The following PTPRG variants were observed in gnomAD, a reference collection of about 807,000 sequenced individuals.
PTPRG encodes the protein protein tyrosine phosphatase receptor type G.
Under a neutral mutation model 165.3 loss-of-function variants are expected in PTPRG, and 102 were observed. The ratio of observed to expected loss-of-function variants is 0.62; its 90% CI spans 0.53 to 0.73. The LOEUF is 0.73. Among genes scored for constraint, PTPRG ranks in the 30% least tolerant of loss-of-function variants. The pLI is 0.00. For missense variants in PTPRG, 1,866 were observed against 1,861.4 expected, an observed-to-expected ratio of 1.00 and a Z score of -0.05; for synonymous variants, 675 against 669.5, an observed-to-expected ratio of 1.01 and a Z score of -0.13.
chr3:61,712,980 GTA>G (rs1002178845), intron 1 of PTPRG, among the ~76,000 whole-genome samples: 1 of 152,100 alleles, frequency 6.6e-6, no homozygotes, highest in African/African-American at 2.4e-5. Context: ...TGTAGGCATG[GTA>G]TTAGTAACAT....
rs916641793 is a variant in PTPRG at position 61,896,973 on chromosome 3, T to C, written c.191-92652T>C. Among the ~76,000 whole-genome samples, 4 of 151,998 alleles carry C rather than the reference T, an allele frequency of 2.6e-5. No individual in the cohort carries two copies. In the East Asian group the frequency reaches 7.7e-4, roughly 29 times the overall value. On this transcript the variant is annotated intron_variant, in intron 2 of 29. Coordinates refer to ENST00000474889, the MANE Select transcript of PTPRG (RefSeq NM_002841.4). Reference sequence around the variant, plus strand: ...TTTTTTTTTAATATATTCTGAATACTAGTCCTTTGTTGAATTTGTGGTGTG... The same window carrying C: ...TTTTTTTTTAATATATTCTGAATACCAGTCCTTTGTTGAATTTGTGGTGTG...
intron 1 of PTPRG, among the ~76,000 whole-genome samples, chr3:61,570,804 T>C (rs1312420973): frequency 1.3e-5 from 2 of 152,200 alleles, no homozygotes; most frequent in Admixed American, 6.5e-5. Context: ...GCGGTGGTTA[T>C]TTATAAATGA....
chr3:61,717,612 C>T (rs550501204), intron 1 of PTPRG, among the ~76,000 whole-genome samples: 1 of 151,954 alleles, frequency 6.6e-6, no homozygotes, highest in East Asian at 1.9e-4. Flanking sequence ...ATTGTGAAGC[C>T]CCGTCTCTAC....
intron 1 of PTPRG, among the ~76,000 whole-genome samples, chr3:61,666,555 G>C (rs1215480939): frequency 6.6e-6 from 1 of 152,202 alleles, no homozygotes; most frequent in Non-Finnish European, 1.5e-5. Flanking sequence ...CCTTTGTAGG[G>C]TTGTGATGAA....
rs1487458973 is a variant in PTPRG, at chr3:61,717,813, CA to C, written c.86-31061del. ...TAAAAATAAAAATAAAAATAAATAC[CA>C]AAAGATTTGTGTTTTATTGTAGGTA... On this transcript the variant is annotated intron_variant, in intron 1 of 29. Transcript: ENST00000474889. Among the ~76,000 whole-genome samples the C allele has an allele frequency of 5.1e-3, 779 of 151,802 alleles. 7 individuals carry two copies. Among genetic ancestry groups the C allele is most frequent in the African/African-American group, 0.018 (741 of 41,344 alleles).
chr3:62,183,527 GCACTCCAGCCTAGGCGACA>G (rs1439362487), intron 8 of PTPRG, among the ~76,000 whole-genome samples: 3 of 149,668 alleles, frequency 2.0e-5, no homozygotes, highest in Non-Finnish European at 4.4e-5. Context: ...TTACACCACT[GCACTCCAGCCTAGGCGACA>G]GAGTGAGACT....
chr3:61,639,150 T>A (rs1701997366), intron 1 of PTPRG, among the ~76,000 whole-genome samples: 1 of 152,224 alleles, frequency 6.6e-6, no homozygotes, highest in African/African-American at 2.4e-5. Flanking sequence ...CCCAGTATCA[T>A]TAATTGAATA....
At chr3:61,823,686 A>G (rs1351801846) in intron 2 of PTPRG, among the ~76,000 whole-genome samples, 1 of 152,226 alleles carries the variant, frequency 6.6e-6, no homozygotes, top group Non-Finnish European at 1.5e-5. Flanking sequence ...ATAAGGTGAA[A>G]GGAAAAACAA....
At chr3:61,802,097 G>T (rs992245802) in intron 2 of PTPRG, among the ~76,000 whole-genome samples, 4 of 151,400 alleles carry the variant, frequency 2.6e-5, no homozygotes, top group Non-Finnish European at 5.9e-5. Context: ...TATTTGTGCA[G>T]CTGGTTATCT....
At position 62,252,771 on chromosome 3, in the gene PTPRG, C is replaced by T. The variant is rs1701451387; in HGVS notation, c.2468-2353C>T. ...GTATAAAGAAAAGAGATTTATGACT[C>T]CTCAGCTATTTATCTTGATTGCAGG... On this transcript the variant is annotated intron_variant, in intron 15 of 29. Coordinates refer to ENST00000474889, the MANE Select transcript of PTPRG (RefSeq NM_002841.4). This position sits in a 1 kb window ranked among gnomAD's most constrained non-coding sequence, Gnocchi z 4.6. 1.3e-5 allele frequency among the ~76,000 whole-genome samples: 2 copies of T among 152,152 alleles called. No homozygotes were observed. Among genetic ancestry groups the T allele is most frequent in the African/African-American group, 4.8e-5 (2 of 41,428 alleles).
chr3:61,701,326 TATC>T (rs1249865348), intron 1 of PTPRG, among the ~76,000 whole-genome samples: 3 of 152,172 alleles, frequency 2.0e-5, no homozygotes, highest in African/African-American at 7.2e-5. Flanking sequence ...AACTCCTCAA[TATC>T]ATGTTGGATG....
chr3:62,101,579 ACT>A (rs1291144193), intron 5 of PTPRG, among the ~76,000 whole-genome samples: 1 of 152,138 alleles, frequency 6.6e-6, no homozygotes, highest in East Asian at 1.9e-4. Context: ...TTGACTGCAG[ACT>A]CTCAGCCTTC....
intron 5 of PTPRG, among the ~76,000 whole-genome samples, chr3:62,113,581 C>A (rs1702748572): frequency 6.6e-6 from 1 of 152,094 alleles, no homozygotes; most frequent in Non-Finnish European, 1.5e-5. Flanking sequence ...AAATGCAGAT[C>A]ACTTTTTCTG....
intron 1 of PTPRG, among the ~76,000 whole-genome samples, chr3:61,693,342 C>G (rs1395122377): frequency 6.6e-6 from 1 of 152,038 alleles, no homozygotes; most frequent in East Asian, 1.9e-4. Flanking sequence ...TACTTATTAC[C>G]CATGAGGTGT....
chr3:62,122,921 C>T (rs1703131435), intron 5 of PTPRG, among the ~76,000 whole-genome samples: 1 of 152,150 alleles, frequency 6.6e-6, no homozygotes, highest in Admixed American at 6.5e-5. Context: ...GGCCCCCAAC[C>T]TGTCTTGTGG....
intron 1 of PTPRG, among the ~76,000 whole-genome samples, chr3:61,597,735 T>C (rs1700739991): frequency 6.6e-6 from 1 of 152,238 alleles, no homozygotes; most frequent in African/African-American, 2.4e-5. Context: ...CTGTATTTCT[T>C]TGACAGATTT....
chr3:61,759,291 T>C (rs2033751099), intron 2 of PTPRG, among the ~76,000 whole-genome samples: 1 of 152,254 alleles, frequency 6.6e-6, no homozygotes, highest in Non-Finnish European at 1.5e-5. Flanking sequence ...CATAGAACTT[T>C]GCCTTCTTGA....
chr3:61,706,637 G>A (rs1413122972), intron 1 of PTPRG, among the ~76,000 whole-genome samples: 1 of 151,914 alleles, frequency 6.6e-6, no homozygotes, highest in African/African-American at 2.4e-5. Flanking sequence ...GGAATTACAG[G>A]CGCTACCACG....
At chr3:61,980,826 C>G (rs915615817) in intron 2 of PTPRG, among the ~76,000 whole-genome samples, 27 of 152,174 alleles carry the variant, frequency 1.8e-4, no homozygotes, top group African/African-American at 5.3e-4. Context: ...CTTTGGCCTT[C>G]AGCTGCTTCC....
Sources: allele counts gnomAD v4.1 joint callset (sites outside exome capture counted in the v4.1 genomes callset), GRCh38; gene constraint gnomAD v4.1.1; non-coding constraint Gnocchi (gnomAD v3.1); transcripts MANE v1.5; gene names NCBI Gene and HGNC (gene_info 2026-07-23, HGNC 2026-07-21).